The following CTNNA2 variants were observed in gnomAD, a reference collection of about 807,000 sequenced individuals.
CTNNA2 encodes catenin alpha-2.
In CTNNA2, 42 loss-of-function variants were observed where a neutral mutation model predicts 101.0. The ratio of observed to expected loss-of-function variants is 0.42; its 90% CI spans 0.32 to 0.54. CTNNA2 has a LOEUF of 0.54. CTNNA2 is among the 20% of genes least tolerant of loss of function. The pLI, the probability that CTNNA2 is intolerant of heterozygous loss-of-function variation, is 0.14. For synonymous variants in CTNNA2, 450 were observed against 456.4 expected (o/e 0.99, Z 0.18); for missense variants, 871 against 1,223.1 (o/e 0.71, Z 4.29).
chr2:79,677,932 C>T (rs1005479768), intron 2 of CTNNA2, among the ~76,000 whole-genome samples: 1 of 152,186 alleles, frequency 6.6e-6, no homozygotes, highest in African/African-American at 2.4e-5. Flanking sequence ...TTTTGCAACT[C>T]ACTGAGGAAT....
chr2:80,304,978 A>T, intron 7 of CTNNA2: 1 of 773,694 alleles, frequency 1.3e-6, no homozygotes, highest in Non-Finnish European at 1.6e-6. Flanking sequence ...CCACGACAAG[A>T]TATTTCCAAG....
At chr2:79,917,112 G>A (rs915892954) in intron 7 of CTNNA2, among the ~76,000 whole-genome samples, 2 of 151,024 alleles carry the variant, frequency 1.3e-5, no homozygotes, top group Non-Finnish European at 1.5e-5. Flanking sequence ...TTGCTTTGTG[G>A]CCAGGCTGTA....
chr2:79,854,482 C>T (rs1362937895), intron 3 of CTNNA2, among the ~76,000 whole-genome samples: 1 of 152,206 alleles, frequency 6.6e-6, no homozygotes, highest in Non-Finnish European at 1.5e-5. Flanking sequence ...CACTAGCTCA[C>T]ATATTTGGTA....
chr2:79,346,727 T>C (rs192314858), intron 3 of CTNNA2, among the ~76,000 whole-genome samples: 1 of 152,238 alleles, frequency 6.6e-6, no homozygotes, highest in Non-Finnish European at 1.5e-5. Flanking sequence ...TCACAAAATA[T>C]TGCTTTACAA....
chr2:80,124,481 C>T (rs60030196), intron 7 of CTNNA2, among the ~76,000 whole-genome samples: 54,645 of 151,858 alleles, frequency 0.36, 10,839 homozygotes, highest in East Asian at 0.58. Context: ...GTCCGGGGTT[C>T]GCAACCAAAT....
chr2:79,761,012 A>G (rs1469016477), intron 3 of CTNNA2, among the ~76,000 whole-genome samples: 2 of 152,236 alleles, frequency 1.3e-5, no homozygotes, highest in African/African-American at 4.8e-5. Flanking sequence ...GCCAAATATT[A>G]ATGCCAGTCT....
intron 7 of CTNNA2, among the ~76,000 whole-genome samples, chr2:80,091,675 G>A (rs1226039826): frequency 2.0e-5 from 3 of 152,080 alleles, no homozygotes; most frequent in African/African-American, 2.4e-5. Context: ...TGCCAGAAGA[G>A]CAAGGTGAGC....
At chr2:80,446,511 C>A (rs996058217) in intron 9 of CTNNA2, among the ~76,000 whole-genome samples, 2 of 152,142 alleles carry the variant, frequency 1.3e-5, no homozygotes, top group African/African-American at 4.8e-5. Flanking sequence ...TACAAAACAT[C>A]GCATGAATTC....
At chr2:79,835,915 G>A (rs1180476767) in intron 3 of CTNNA2, among the ~76,000 whole-genome samples, 1 of 152,058 alleles carries the variant, frequency 6.6e-6, no homozygotes, top group Non-Finnish European at 1.5e-5. Flanking sequence ...ACAGGTGTGA[G>A]CCACTGAGCC....
chr2:80,353,284 G>T (rs186716421), intron 7 of CTNNA2, among the ~76,000 whole-genome samples: 1 of 152,004 alleles, frequency 6.6e-6, no homozygotes, highest in Non-Finnish European at 1.5e-5. Context: ...ACAAAATTCT[G>T]CCATGACAAT....
At chr2:80,565,282 G>A (rs1693957163) in intron 12 of CTNNA2, among the ~76,000 whole-genome samples, 1 of 152,050 alleles carries the variant, frequency 6.6e-6, no homozygotes, top group Non-Finnish European at 1.5e-5. Flanking sequence ...GGCCTTCTTG[G>A]CAAGCAAGAT....
intron 7 of CTNNA2, among the ~76,000 whole-genome samples, chr2:80,111,107 A>C (rs1327833570): frequency 1.3e-5 from 2 of 152,112 alleles, no homozygotes; most frequent in East Asian, 3.9e-4. Flanking sequence ...TTATCACAAA[A>C]ACAGGAGCAT....
chr2:79,630,862 C>G (rs1263178755), intron 1 of CTNNA2, among the ~76,000 whole-genome samples: 3 of 150,194 alleles, frequency 2.0e-5, no homozygotes, highest in Non-Finnish European at 2.9e-5. Flanking sequence ...TTGGAAATGG[C>G]TGAGTTTGTG....
intron 1 of CTNNA2, among the ~76,000 whole-genome samples, chr2:79,529,269 A>G (rs1449305036): frequency 6.6e-6 from 1 of 152,172 alleles, no homozygotes; most frequent in Non-Finnish European, 1.5e-5. Context: ...CTTAGGAACC[A>G]TCTGAATGTG....
At chr2:79,294,238 AGAGGAGGAG>A (rs369054802) in intron 2 of CTNNA2, among the ~76,000 whole-genome samples, 2 of 149,758 alleles carry the variant, frequency 1.3e-5, no homozygotes, top group African/African-American at 2.5e-5. Context: ...AAGAAGAAGA[AGAGGAGGAG>A]GAGGAGGAGG....
At chr2:79,882,613 A>AC (rs1683529805) in intron 6 of CTNNA2, among the ~76,000 whole-genome samples, 1 of 152,022 alleles carries the variant, frequency 6.6e-6, no homozygotes, top group Non-Finnish European at 1.5e-5. Flanking sequence ...TGTCACCCTT[A>AC]CCCCTCCCAG....
intron 2 of CTNNA2, among the ~76,000 whole-genome samples, chr2:79,740,804 C>T (rs1671237870): frequency 6.6e-6 from 1 of 151,860 alleles, no homozygotes; most frequent in Non-Finnish European, 1.5e-5. Context: ...CCTTTTGTCT[C>T]TCTCGAGTCA....
chr2:79,529,073 A>G (rs1432756805), intron 1 of CTNNA2, among the ~76,000 whole-genome samples: 3 of 152,210 alleles, frequency 2.0e-5, no homozygotes, highest in Non-Finnish European at 4.4e-5. Flanking sequence ...AACATGTAAA[A>G]CTTTCCTATA....
At chr2:79,989,371 C>T (rs1692001717) in intron 7 of CTNNA2, among the ~76,000 whole-genome samples, 1 of 152,106 alleles carries the variant, frequency 6.6e-6, no homozygotes, top group Admixed American at 6.6e-5. Context: ...GCCTGTAATC[C>T]CAGCACTTTG....
Sources: allele counts gnomAD v4.1 joint callset (sites outside exome capture counted in the v4.1 genomes callset), GRCh38; gene constraint gnomAD v4.1.1; transcripts MANE v1.5; gene names NCBI Gene and HGNC (gene_info 2026-07-23, HGNC 2026-07-21).